ATP11C: variants seen among roughly 807,000 people sequenced by gnomAD.
ATP11C encodes phospholipid-transporting ATPase IG.
In ATP11C, 36 loss-of-function variants were observed where a neutral mutation model predicts 97.4. The observed-to-expected ratio is 0.37, with a 90% CI of 0.28 to 0.49. The LOEUF is 0.49. Ranked by LOEUF, ATP11C falls within the 20% of genes least tolerant of loss-of-function variation. The pLI, the probability that ATP11C is intolerant of heterozygous loss-of-function variation, is 0.98. For synonymous variants in ATP11C, 275 were observed against 290.9 expected (o/e 0.95, Z 0.56); for missense variants, 730 against 824.6 (o/e 0.89, Z 1.40).
At chrX:139,893,706 T>A (rs1327132957) in intron 1 of ATP11C, among the ~76,000 whole-genome samples, 1 of 105,846 alleles carries the variant, frequency 9.4e-6, no homozygotes, top group Admixed American at 1.0e-4. Flanking sequence ...CAGATGAAAA[T>A]CTGAGGACCA....
rs1463563165 is a variant in ATP11C at position 139,737,894 on chromosome X, G to A, written c.3288+22C>T. ...TGAGGCCCCTTCCAAAAATCAGGTTGTAAGATAAACTTAGTTCTTACCCTG... is the reference window on the plus strand; with the variant it reads ...TGAGGCCCCTTCCAAAAATCAGGTTATAAGATAAACTTAGTTCTTACCCTG... On this transcript the variant is annotated intron_variant, in intron 28 of 29. Transcript: ENST00000682941. 7 of 1,196,690 alleles carry A rather than the reference G, an allele frequency of 5.8e-6. 1 individual carries two copies. Among genetic ancestry groups the A allele is most frequent in the Non-Finnish European group, 6.8e-6 (6 of 886,581 alleles).
At chrX:139,875,207 C>T (rs2084449309) in intron 1 of ATP11C, among the ~76,000 whole-genome samples, 1 of 110,841 alleles carries the variant, frequency 9.0e-6, no homozygotes, top group South Asian at 3.8e-4. Context: ...AGTTACTGCC[C>T]TTCTTATGCT....
intron 1 of ATP11C, among the ~76,000 whole-genome samples, chrX:139,833,270 T>G (rs2083687931): frequency 8.9e-6 from 1 of 112,226 alleles, no homozygotes; most frequent in Non-Finnish European, 1.9e-5. Context: ...GCTGTAAATG[T>G]AATTAATTTA....
At chrX:139,898,523 G>A (rs2084846147) in intron 1 of ATP11C, among the ~76,000 whole-genome samples, 1 of 111,600 alleles carries the variant, frequency 9.0e-6, no homozygotes, top group Admixed American at 9.6e-5. Flanking sequence ...GGCAAACAGA[G>A]AAGGCTTGGA....
In ATP11C at chrX:139,932,280, G is replaced by C. The variant is rs1449576229; in HGVS notation, c.-238C>G. 1 of 110,910 alleles carries C rather than the reference G, an allele frequency of 9.0e-6. No homozygotes were observed. Among genetic ancestry groups the C allele is most frequent in the Admixed American group, 9.6e-5 (1 of 10,368 alleles). The allele number at this position is 110,910 out of a possible 1,213,427, so 9.1% of individuals were successfully genotyped here. A position where few individuals can be genotyped will look rare whatever the true frequency, so the allele number is the denominator to read the frequency against. On this transcript the variant is annotated 5_prime_UTR_variant, in exon 1 of 30. Transcript: ENST00000682941. ...GGCCCGCCCCCGGCCTGCCTGACCC[G>C]GGGGCGGCGGCCCCGCGGATCGCCC... is the stretch of plus-strand genomic sequence containing the variant.
chrX:139,740,922 T>C, intron 27 of ATP11C, 69 bp downstream of exon 27: 1 of 638,849 alleles, frequency 1.6e-6, no homozygotes, highest in Non-Finnish European at 2.5e-6. Context: ...AATGCTTACA[T>C]ATATAGTGTA....
At chrX:139,748,638 C>T (rs1399168040) in intron 24 of ATP11C, among the ~76,000 whole-genome samples, 2 of 111,041 alleles carry the variant, frequency 1.8e-5, no homozygotes, top group Non-Finnish European at 3.8e-5. Flanking sequence ...AAGATTTCTA[C>T]CAAAGTTCTA....
chrX:139,765,083 A>G (rs759977606), intron 20 of ATP11C, among the ~76,000 whole-genome samples: 1 of 111,328 alleles, frequency 9.0e-6, no homozygotes, highest in Non-Finnish European at 1.9e-5. Flanking sequence ...TAAAAAGAGT[A>G]AAACTCTCCA....
intron 22 of ATP11C, among the ~76,000 whole-genome samples, chrX:139,760,950 A>G (rs553431638): frequency 2.7e-5 from 3 of 112,196 alleles, no homozygotes; most frequent in Middle Eastern, 4.6e-3. Flanking sequence ...TGCACATCAT[A>G]GTGAACACAT....
intron 1 of ATP11C, among the ~76,000 whole-genome samples, chrX:139,908,893 T>C (rs1257912239): frequency 8.9e-6 from 1 of 112,108 alleles, no homozygotes; most frequent in Admixed American, 9.5e-5. Flanking sequence ...GGGATATAAT[T>C]TAAAATAAAT....
rs140351595 is a variant in ATP11C at position 139,817,491 on chromosome X, G to A, written c.238-548C>T. On this transcript the variant is annotated intron_variant, in intron 3 of 29. Transcript: ENST00000682941. ...GAGATGGGGCTGGAGAGGGAGGCAG[G>A]AGCCAGACTGTGCAGGGCCCTCTAG... Among the ~76,000 whole-genome samples the A allele has an allele frequency of 9.9e-3, 1,114 of 112,841 alleles. 2 individuals carry two copies. Among genetic ancestry groups the A allele is most frequent in the Non-Finnish European group, 0.016 (866 of 53,346 alleles).
At chrX:139,760,770 T>C (rs1603349141) in intron 22 of ATP11C, among the ~76,000 whole-genome samples, 1 of 111,789 alleles carries the variant, frequency 8.9e-6, no homozygotes, top group Non-Finnish European at 1.9e-5. Context: ...GGATTTGCAA[T>C]GTTGCACAAT....
intron 23 of ATP11C, among the ~76,000 whole-genome samples, chrX:139,756,830 T>C (rs2081944040): frequency 9.3e-6 from 1 of 107,620 alleles, no homozygotes; most frequent in African/African-American, 3.4e-5. Flanking sequence ...GGGTGGAGAG[T>C]GAGAGGAGGG....
chrX:139,824,669 A>G (rs1464367455), intron 2 of ATP11C, among the ~76,000 whole-genome samples: 1 of 111,481 alleles, frequency 9.0e-6, no homozygotes, highest in East Asian at 2.8e-4. Flanking sequence ...CCTGGACGAC[A>G]GAGCGAGACT....
At chrX:139,856,615 G>A (rs1179555655) in intron 1 of ATP11C, among the ~76,000 whole-genome samples, 1 of 112,149 alleles carries the variant, frequency 8.9e-6, no homozygotes, top group African/African-American at 3.2e-5. Context: ...GTACCTTATG[G>A]GTCTTTTGAC....
intron 24 of ATP11C, 75 bp from the exon 25 acceptor site, chrX:139,745,932 C>T (rs888425474): frequency 9.2e-6 from 10 of 1,084,563 alleles, no homozygotes; most frequent in South Asian, 6.8e-5. Context: ...CAAAGGTGGG[C>T]GTGGAATTTG....
intron 27 of ATP11C, among the ~76,000 whole-genome samples, chrX:139,739,293 T>G (rs1269051390): frequency 9.4e-6 from 1 of 106,648 alleles, no homozygotes; most frequent in African/African-American, 3.4e-5. Flanking sequence ...TGTTTTTTGT[T>G]TTTTTTTTTT....
intron 28 of ATP11C, among the ~76,000 whole-genome samples, chrX:139,735,287 C>T (rs1011470665): frequency 1.2e-4 from 13 of 111,965 alleles, no homozygotes; most frequent in Non-Finnish European, 1.5e-4. Context: ...CTACACACTG[C>T]TAAGTCCCCT....
At position 139,802,342 on chromosome X, in the gene ATP11C, A is replaced by G. The variant is rs758761850; in HGVS notation, c.556-3T>C. ...GTATCACGTACTGCATAATGTGTCT[A>G]GTTGAAAGCAGAAGAAAAAGTGAAA... On this transcript the variant is annotated splice_polypyrimidine_tract_variant and splice_region_variant and intron_variant, in intron 6 of 29. Transcript: ENST00000682941. 5.2e-6 allele frequency: 6 copies of G among 1,145,753 alleles called. No homozygotes were observed. The African/African-American group carries it at 8.9e-5, about 17-fold the overall frequency. 94.4% of individuals were successfully genotyped at this position (1,145,753 alleles called of 1,213,427 possible). A position where few individuals can be genotyped will look rare whatever the true frequency, so the allele number is the denominator to read the frequency against.
Sources: allele counts gnomAD v4.1 joint callset (sites outside exome capture counted in the v4.1 genomes callset), GRCh38; gene constraint gnomAD v4.1.1; transcripts MANE v1.5; gene names NCBI Gene and HGNC (gene_info 2026-07-23, HGNC 2026-07-21).